The following CNTLN variants were observed in gnomAD, a reference collection of about 807,000 sequenced individuals.
CNTLN encodes centlein.
CNTLN carries 212 observed loss-of-function variants against 180.0 expected under a neutral mutation model. The observed-to-expected ratio is 1.18, with a 90% CI of 1.05 to 1.32. CNTLN has a LOEUF of 1.32. Among genes scored for constraint, CNTLN ranks in the 40% most tolerant of loss-of-function variants. The pLI, the probability that CNTLN is intolerant of heterozygous loss-of-function variation, is 0.00. For missense variants in CNTLN, 2,095 were observed against 1,610.9 expected, an observed-to-expected ratio of 1.30 and a Z score of -5.14; for synonymous variants, 722 against 563.1, an observed-to-expected ratio of 1.28 and a Z score of -3.99.
chr9:17,189,929 G>T (rs1821690699), intron 2 of CNTLN, among the ~76,000 whole-genome samples: 1 of 151,966 alleles, frequency 6.6e-6, no homozygotes, highest in South Asian at 2.1e-4. Context: ...GCTTTCCAAT[G>T]ACTCCTTTCC....
intron 2 of CNTLN, among the ~76,000 whole-genome samples, chr9:17,174,620 C>G (rs146028240): frequency 6.6e-6 from 1 of 151,560 alleles, no homozygotes; most frequent in East Asian, 2.0e-4. Context: ...TGCTTCAACC[C>G]GGGAGGCGGA....
chr9:17,352,549 A>G (rs1013851434), intron 12 of CNTLN, among the ~76,000 whole-genome samples: 155 of 151,586 alleles, frequency 1.0e-3, no homozygotes, highest in African/African-American at 3.6e-3. Flanking sequence ...TCAGGTAACC[A>G]TTAACAATAT....
At chr9:17,156,504 T>TAA (rs1819300831) in intron 2 of CNTLN, among the ~76,000 whole-genome samples, 1 of 152,188 alleles carries the variant, frequency 6.6e-6, no homozygotes, top group South Asian at 2.1e-4. Context: ...ATCTTTCTCT[T>TAA]ACTCTTTTTT....
At chr9:17,265,542 T>C (rs900206062) in intron 5 of CNTLN, among the ~76,000 whole-genome samples, 4 of 152,228 alleles carry the variant, frequency 2.6e-5, no homozygotes, top group East Asian at 3.8e-4. Context: ...GGTTTGAGGA[T>C]GATGCTGGCC....
intron 22 of CNTLN, 84 bp downstream of exon 22, chr9:17,466,202 C>T: frequency 8.3e-7 from 1 of 1,211,578 alleles, no homozygotes. Flanking sequence ...CTTTTTCCTT[C>T]CCAAAACCAC....
intron 2 of CNTLN, among the ~76,000 whole-genome samples, chr9:17,188,305 T>C (rs1374965866): frequency 6.6e-6 from 1 of 152,062 alleles, no homozygotes; most frequent in Non-Finnish European, 1.5e-5. Context: ...ATTCTGAAGA[T>C]TAGCCCAGTT....
In CNTLN at chr9:17,411,314, G is replaced by C. The variant is rs904362292; in HGVS notation, c.2796+1841G>C. 2.6e-5 allele frequency among the ~76,000 whole-genome samples: 4 copies of C among 152,168 alleles called. No individual in the cohort carries two copies. The East Asian group carries it at 7.7e-4, about 29-fold the overall frequency. ...AAGGCCAGCCTAGCAAGACAGAAAAGCTTACACAGTAAGTGTCCTACTCCA... is the reference window on the plus strand; with the variant it reads ...AAGGCCAGCCTAGCAAGACAGAAAACCTTACACAGTAAGTGTCCTACTCCA... On this transcript the variant is annotated intron_variant, in intron 16 of 25. Coordinates refer to ENST00000380647, the MANE Select transcript of CNTLN (RefSeq NM_017738.4).
chr9:17,440,088 G>A (rs1049488766), intron 18 of CNTLN, among the ~76,000 whole-genome samples: 2 of 152,154 alleles, frequency 1.3e-5, no homozygotes, highest in African/African-American at 2.4e-5. Context: ...AAGCTGGATC[G>A]CTGAGACTAA....
At chr9:17,388,829 T>C (rs1416902755) in intron 14 of CNTLN, among the ~76,000 whole-genome samples, 1 of 149,782 alleles carries the variant, frequency 6.7e-6, no homozygotes, top group Non-Finnish European at 1.5e-5. Context: ...AATAGTAAAA[T>C]ACTGTTTTAA....
intron 2 of CNTLN, among the ~76,000 whole-genome samples, chr9:17,155,887 C>T (rs1819247871): frequency 6.6e-6 from 1 of 152,164 alleles, no homozygotes; most frequent in African/African-American, 2.4e-5. Context: ...TGGAGGGAAT[C>T]TCCTGGTTTG....
At chr9:17,345,729 A>C (rs1348183676) in intron 12 of CNTLN, among the ~76,000 whole-genome samples, 1 of 152,050 alleles carries the variant, frequency 6.6e-6, no homozygotes, top group Non-Finnish European at 1.5e-5. Context: ...TCATCACAAG[A>C]TGTGATAGGT....
At chr9:17,462,845 G>T in intron 19 of CNTLN, 71 bp from the exon 20 acceptor site, 1 of 565,974 alleles carries the variant, frequency 1.8e-6, no homozygotes, top group South Asian at 3.9e-5. Flanking sequence ...CTTTAGAATG[G>T]CACTTATTTT....
intron 13 of CNTLN, among the ~76,000 whole-genome samples, chr9:17,371,383 A>G (rs1417074927): frequency 6.6e-6 from 1 of 152,200 alleles, no homozygotes; most frequent in East Asian, 1.9e-4. Flanking sequence ...AGGTCATTAT[A>G]TAATGATAAA....
At chr9:17,518,351 T>C in the CNTLN span, among the ~76,000 whole-genome samples, 1 of 152,058 alleles carries the variant, frequency 6.6e-6, no homozygotes, top group Non-Finnish European at 1.5e-5. Flanking sequence ...CTGGCCTCCA[T>C]AAAGTTTTAA....
At chr9:17,442,628 A>G (rs1830176132) in intron 18 of CNTLN, among the ~76,000 whole-genome samples, 1 of 152,130 alleles carries the variant, frequency 6.6e-6, no homozygotes, top group Non-Finnish European at 1.5e-5. Flanking sequence ...CAAACTCCTG[A>G]CCTCAAGTGA....
At chr9:17,388,643 T>C (rs1209181744) in intron 14 of CNTLN, among the ~76,000 whole-genome samples, 2 of 152,106 alleles carry the variant, frequency 1.3e-5, no homozygotes, top group Non-Finnish European at 2.9e-5. Context: ...AGCATAGTTA[T>C]AGTTTTGCCA....
the CNTLN span, among the ~76,000 whole-genome samples, chr9:17,518,104 A>G: frequency 1.6e-5 from 2 of 121,272 alleles, no homozygotes; most frequent in Non-Finnish European, 3.2e-5. Context: ...GCACAGTGGC[A>G]TGATCTGATC....
At chr9:17,260,406 A>T (rs1385445102) in intron 5 of CNTLN, among the ~76,000 whole-genome samples, 2 of 151,208 alleles carry the variant, frequency 1.3e-5, no homozygotes, top group Non-Finnish European at 2.9e-5. Flanking sequence ...ATATGTGGCC[A>T]ATTTTGGAAT....
intron 5 of CNTLN, among the ~76,000 whole-genome samples, chr9:17,261,645 T>G (rs1175227177): frequency 6.6e-6 from 1 of 151,424 alleles, no homozygotes; most frequent in Admixed American, 6.6e-5. Flanking sequence ...CTTTTCCTAT[T>G]TGTATGTCAT....
Sources: allele counts gnomAD v4.1 joint callset (sites outside exome capture counted in the v4.1 genomes callset), GRCh38; gene constraint gnomAD v4.1.1; transcripts MANE v1.5; gene names NCBI Gene and HGNC (gene_info 2026-07-23, HGNC 2026-07-21).